Variants in CACUL1 observed in about 807,000 individuals in gnomAD.
CACUL1 encodes the protein CDK2 associated cullin domain 1, also known as CDK2-associated and cullin domain-containing protein 1.
CACUL1 carries 13 observed loss-of-function variants against 45.2 expected under a neutral mutation model. The observed-to-expected ratio is 0.29, with a 90% CI of 0.19 to 0.46. The LOEUF is 0.46. CACUL1 is among the 20% of genes least tolerant of loss of function. The pLI is 1.00. For synonymous variants in CACUL1, 197 were observed against 174.2 expected (o/e 1.13, Z -1.03); for missense variants, 421 against 471.4 (o/e 0.89, Z 0.99).
At chr10:118,707,312 G>A (rs562558993) in intron 4 of CACUL1, among the ~76,000 whole-genome samples, 180 bp downstream of exon 4, 7 of 151,782 alleles carry the variant, frequency 4.6e-5, no homozygotes, top group East Asian at 1.9e-4. Context: ...AGCAGAAAAA[G>A]GGGAAATAAT....
rs969897238 is a variant in CACUL1, at chr10:118,705,276, T to C, written c.693+2216A>G. On this transcript the variant is annotated intron_variant, in intron 4 of 8. Coordinates refer to ENST00000369151, the MANE Select transcript of CACUL1 (RefSeq NM_153810.5). The stretch of plus-strand genomic sequence containing the variant: ...TTTAGAGCAAAAGTTGATTTGGCAG[T>C]ATACCTTAAAGTCTTTGAAATAAAT... Among the ~76,000 whole-genome samples, 9 of 152,350 alleles carry C rather than the reference T, an allele frequency of 5.9e-5. 1 individual carries two copies. In the South Asian group the frequency reaches 8.3e-4, roughly 14 times the overall value.
At chr10:118,702,133 G>A (rs1003646209) in intron 4 of CACUL1, among the ~76,000 whole-genome samples, 4 of 152,206 alleles carry the variant, frequency 2.6e-5, no homozygotes, top group African/African-American at 4.8e-5. Flanking sequence ...AGCTCCCTGC[G>A]GAGCTCCTGG....
intron 7 of CACUL1, among the ~76,000 whole-genome samples, chr10:118,687,158 C>T (rs1845215383): frequency 6.6e-6 from 1 of 152,136 alleles, no homozygotes; most frequent in South Asian, 2.1e-4. Flanking sequence ...CCTTTGCTGG[C>T]TCTACCCAGC....
Position 118,677,556 on chromosome 10 carries a change from C to T in CACUL1, c.*8572G>A, listed in dbSNP as rs375222479. ...TAACTGTCTTTCCTTTATAGCTTTA[C>T]TACTTGTGTCTGAGTCCCTAAACAA... On this transcript the variant is annotated 3_prime_UTR_variant, in exon 9 of 9. Coordinates refer to ENST00000369151, the MANE Select transcript of CACUL1 (RefSeq NM_153810.5). 34 of 152,270 alleles carry T rather than the reference C, an allele frequency of 2.2e-4. No homozygotes were observed. The East Asian group carries it at 2.7e-3, about 12-fold the overall frequency. 9.4% of individuals were successfully genotyped at this position (152,270 alleles called of 1,614,324 possible). A position where few individuals can be genotyped will look rare whatever the true frequency, so the allele number is the denominator to read the frequency against.
Position 118,728,692 on chromosome 10 carries a change from A to C in CACUL1, c.597+603T>G, listed in dbSNP as rs915477079. Reference sequence around the variant, plus strand: ...TCTGTCATTATTTTCAAAGGCAAAAACCACAATTCCTTTTGCACCAACTTA... The same window carrying C: ...TCTGTCATTATTTTCAAAGGCAAAACCCACAATTCCTTTTGCACCAACTTA... On this transcript the variant is annotated intron_variant, in intron 3 of 8. Coordinates refer to ENST00000369151, the MANE Select transcript of CACUL1 (RefSeq NM_153810.5). 2.0e-5 allele frequency among the ~76,000 whole-genome samples: 3 copies of C among 152,102 alleles called. No individual in the cohort carries two copies. The South Asian group carries it at 6.2e-4, about 32-fold the overall frequency.
Position 118,709,995 on chromosome 10 carries a change from TC to T in CACUL1, c.598-2409del, listed in dbSNP as rs1448023086. Among the ~76,000 whole-genome samples, 4 of 152,048 alleles carry T rather than the reference TC, an allele frequency of 2.6e-5. No individual in the cohort carries two copies. The East Asian group carries it at 7.7e-4, about 29-fold the overall frequency. On this transcript the variant is annotated intron_variant, in intron 3 of 8. Transcript: ENST00000369151. ...ATTACAGCTCACTGCAGCCTCCACC[TC>T]CCAGGCTCAATTGATCAATTCTCCC...
At chr10:118,703,128 AT>A (rs768320036) in intron 4 of CACUL1, among the ~76,000 whole-genome samples, 10 of 152,336 alleles carry the variant, frequency 6.6e-5, no homozygotes, top group African/African-American at 2.4e-4. Context: ...CTTTAAAAAA[AT>A]ATATAAAAAT....
chr10:118,742,463 T>C (rs1845801121), intron 1 of CACUL1, among the ~76,000 whole-genome samples: 1 of 152,200 alleles, frequency 6.6e-6, no homozygotes. Context: ...AAAATGCCTT[T>C]CTCTTACAGT....
chr10:118,701,467 G>T (rs1845379684), intron 4 of CACUL1, 59 bp from the exon 5 acceptor site: 3 of 879,292 alleles, frequency 3.4e-6, no homozygotes, highest in South Asian at 2.1e-5. Context: ...TTAGTCTAAT[G>T]AACTGGAGCA....
intron 1 of CACUL1, among the ~76,000 whole-genome samples, chr10:118,732,755 A>G (rs1195537820): frequency 3.3e-5 from 5 of 152,094 alleles, no homozygotes. Context: ...CAATCCCCCT[A>G]GAGCTGCTTC....
At chr10:118,747,212 T>C (rs1845851198) in intron 1 of CACUL1, among the ~76,000 whole-genome samples, 1 of 152,176 alleles carries the variant, frequency 6.6e-6, no homozygotes, top group Non-Finnish European at 1.5e-5. Context: ...CTAGAAAGGC[T>C]AAACTTTAAA....
intron 6 of CACUL1, chr10:118,694,817 A>C (rs1429745486): frequency 9.2e-6 from 2 of 217,994 alleles, no homozygotes; most frequent in African/African-American, 4.5e-5. Context: ...GGATGTCTGT[A>C]AGTATGTGCA....
At chr10:118,703,110 G>A (rs916354882) in intron 4 of CACUL1, among the ~76,000 whole-genome samples, 9 of 152,088 alleles carry the variant, frequency 5.9e-5, no homozygotes, top group South Asian at 4.1e-4. Context: ...CTTAACACAC[G>A]TTTCTCTCTT....
At chr10:118,729,820 G>C (rs1845682762) in intron 2 of CACUL1, among the ~76,000 whole-genome samples, 1 of 152,176 alleles carries the variant, frequency 6.6e-6, no homozygotes, top group South Asian at 2.1e-4. Flanking sequence ...TACATCAGCT[G>C]TGTGGAACAA....
intron 3 of CACUL1, among the ~76,000 whole-genome samples, chr10:118,728,797 A>C (rs1845674530): frequency 6.6e-6 from 1 of 152,148 alleles, no homozygotes; most frequent in African/African-American, 2.4e-5. Flanking sequence ...CTTAAACAGG[A>C]GTTTTTCTGC....
At chr10:118,693,598 A>G (rs926702844) in intron 6 of CACUL1, 3 of 369,898 alleles carry the variant, frequency 8.1e-6, no homozygotes, top group African/African-American at 2.1e-5. Flanking sequence ...GTTACGTATG[A>G]TAAAAGCCAG....
At chr10:118,716,664 G>A (rs1477637944) in intron 3 of CACUL1, among the ~76,000 whole-genome samples, 9 of 150,416 alleles carry the variant, frequency 6.0e-5, no homozygotes, top group Non-Finnish European at 1.0e-4. Context: ...GTGCAGTGGC[G>A]CGATCTCGGC....
chr10:118,695,290 ATT>A (rs1307324370), intron 5 of CACUL1, 60 bp from the exon 6 acceptor site: 1 of 944,272 alleles, frequency 1.1e-6, no homozygotes, highest in Non-Finnish European at 1.7e-6. Context: ...AGATTTCTCT[ATT>A]ACTGTTTCTC....
intron 5 of CACUL1, among the ~76,000 whole-genome samples, chr10:118,697,403 T>C (rs1171483168): frequency 6.6e-6 from 1 of 152,228 alleles, no homozygotes; most frequent in Admixed American, 6.5e-5. Flanking sequence ...TGCTTGCTTA[T>C]ACGCAACAAT....
Sources: gnomAD v4.1 joint callset for allele counts (sites outside exome capture counted in the v4.1 genomes callset) on GRCh38, gnomAD v4.1.1 for gene constraint, MANE v1.5 for transcripts, NCBI Gene and HGNC (gene_info 2026-07-23, HGNC 2026-07-21) for gene names.